NRCAM: variants seen among roughly 807,000 people sequenced by gnomAD.
NRCAM encodes the protein NgCAM-related cell adhesion molecule.
NRCAM carries 83 observed loss-of-function variants against 156.5 expected under a neutral mutation model. That is an observed-to-expected ratio of 0.53 (90% confidence interval 0.44 to 0.64). The LOEUF (loss-of-function observed/expected upper bound fraction) is 0.64. Among genes scored for constraint, NRCAM ranks in the 30% least tolerant of loss-of-function variants. NRCAM has a pLI of 0.00. For synonymous variants in NRCAM, 538 were observed against 563.9 expected, an observed-to-expected ratio of 0.95 and a Z score of 0.65; for missense variants, 1,417 against 1,597.3, an observed-to-expected ratio of 0.89 and a Z score of 1.92.
At chr7:108,455,475 C>T (rs1855939973) in intron 1 of NRCAM, among the ~76,000 whole-genome samples, 1 of 152,142 alleles carries the variant, frequency 6.6e-6, no homozygotes, top group Non-Finnish European at 1.5e-5. Context: ...GCCCGGTGCG[C>T]CGGCCCCGAC....
intron 2 of NRCAM, among the ~76,000 whole-genome samples, chr7:108,369,951 A>C (rs1382937337): frequency 1.3e-5 from 2 of 152,188 alleles, no homozygotes; most frequent in African/African-American, 2.4e-5. Flanking sequence ...TTTTAGGTTC[A>C]TGAAAACTAA....
At chr7:108,328,036 A>G (rs1463484037) in intron 2 of NRCAM, among the ~76,000 whole-genome samples, 1 of 152,250 alleles carries the variant, frequency 6.6e-6, no homozygotes, top group African/African-American at 2.4e-5. Context: ...CATTAAAATT[A>G]CATCTTAACA....
intron 30 of NRCAM, among the ~76,000 whole-genome samples, chr7:108,162,365 A>G (rs1220159769): frequency 1.3e-5 from 2 of 152,210 alleles, no homozygotes; most frequent in Non-Finnish European, 2.9e-5. Flanking sequence ...CTTTCAATTA[A>G]TGCCTGGTCT....
intron 20 of NRCAM, 31 bp from the exon 21 acceptor site, chr7:108,184,645 G>A (rs2065579498): frequency 1.9e-6 from 3 of 1,591,796 alleles, no homozygotes; most frequent in Admixed American, 3.4e-5. Flanking sequence ...CCAAACCCAA[G>A]ACCGTGAATT....
rs985989823 is a variant in NRCAM at position 108,147,711 on chromosome 7, C to T, written c.*2199G>A. ...GAAATCCAGTCACATTTGCCTGTAC[C>T]ATTACATACACCATTACTTGGACAT... is the stretch of plus-strand genomic sequence containing the variant. On this transcript the variant is annotated 3_prime_UTR_variant, in exon 33 of 33. Coordinates refer to ENST00000379028, the MANE Select transcript of NRCAM (RefSeq NM_001037132.4). The T allele has an allele frequency of 3.3e-5, 5 of 152,274 alleles. No individual in the cohort carries two copies. Among genetic ancestry groups the T allele is most frequent in the African/African-American group, 1.2e-4 (5 of 41,390 alleles). The allele number at this position is 152,274 out of a possible 1,614,324, so 9.4% of individuals were successfully genotyped here. A position where few individuals can be genotyped will look rare whatever the true frequency, so the allele number is the denominator to read the frequency against.
intron 2 of NRCAM, among the ~76,000 whole-genome samples, chr7:108,332,630 C>T (rs969779880): frequency 1.3e-5 from 2 of 152,160 alleles, no homozygotes; most frequent in Non-Finnish European, 2.9e-5. Flanking sequence ...TAGTCAAACA[C>T]TGGATGCCTT....
chr7:108,325,154 A>C (rs1250485705), intron 2 of NRCAM, among the ~76,000 whole-genome samples: 1 of 30,524 alleles, frequency 3.3e-5, no homozygotes, highest in Non-Finnish European at 9.4e-5. Flanking sequence ...GCTAACCTAG[A>C]AAAAAAATTC....
intron 1 of NRCAM, among the ~76,000 whole-genome samples, chr7:108,425,044 T>C (rs1815323427): frequency 1.3e-5 from 2 of 152,132 alleles, no homozygotes; most frequent in African/African-American, 2.4e-5. Flanking sequence ...CTTAGGACAT[T>C]AGAGTTCAGT....
chr7:108,180,369 T>C lies in NRCAM; in HGVS notation c.2705A>G (p.Lys902Arg), dbSNP rs139634064. Reference protein sequence around the residue: ...SKRNRRHIEKKILTFQGSKTH... With the variant: ...SKRNRRHIEKRILTFQGSKTH... ...CTTGCTGCCTTGGAAGGTGAGGATCTTTTTCTCAATGTGACGTCTGTTTCT... is the reference window on the plus strand; with the variant it reads ...CTTGCTGCCTTGGAAGGTGAGGATCCTTTTCTCAATGTGACGTCTGTTTCT... The change falls in exon 25 of 33, where the codon AAG becomes AGG. Residue 902 changes from lysine to arginine, a missense_variant. Lys to Arg is a conservative substitution (Grantham distance 26). Transcript: ENST00000379028. 6.2e-7 allele frequency: 1 copy of C among 1,614,190 alleles called. No homozygotes were observed. Among genetic ancestry groups the C allele is most frequent in the South Asian group, 1.1e-5 (1 of 91,082 alleles).
chr7:108,156,205 T>C (rs544831764), intron 32 of NRCAM: 1 of 689,406 alleles, frequency 1.5e-6, no homozygotes, highest in African/African-American at 1.9e-5. Flanking sequence ...CATTCAAGCC[T>C]TATGAGCATG....
At chr7:108,202,097 A>G (rs890617727) in intron 13 of NRCAM, among the ~76,000 whole-genome samples, 1 of 152,192 alleles carries the variant, frequency 6.6e-6, no homozygotes, top group Non-Finnish European at 1.5e-5. Context: ...ATAATCATTA[A>G]TTCTAGGAAT....
At chr7:108,171,032 A>G (rs1333483202) in intron 28 of NRCAM, among the ~76,000 whole-genome samples, 1 of 152,192 alleles carries the variant, frequency 6.6e-6, no homozygotes, top group Admixed American at 6.5e-5. Context: ...AAGATACCAC[A>G]ATTTCCTAAG....
chr7:108,159,648 C>T lies in NRCAM; in HGVS notation c.3599-107G>A, dbSNP rs190436754. ...TACAGCAGTGAAAAATAATTCCATA[C>T]ACAAGTAGATGTTGTATAACCATAT... On this transcript the variant is annotated intron_variant, in intron 31 of 32. Coordinates refer to ENST00000379028, the MANE Select transcript of NRCAM (RefSeq NM_001037132.4). 1,229 of 791,384 alleles carry T rather than the reference C, an allele frequency of 1.6e-3. 8 individuals are homozygous for T. The highest frequency in any genetic ancestry group is 0.014 in the African/African-American group (847 of 58,926). 49.0% of individuals were successfully genotyped at this position (791,384 alleles called of 1,614,324 possible). A position where few individuals can be genotyped will look rare whatever the true frequency, so the allele number is the denominator to read the frequency against.
chr7:108,300,191 C>G (rs950295874), intron 3 of NRCAM, among the ~76,000 whole-genome samples: 1 of 47,394 alleles, frequency 2.1e-5, no homozygotes, highest in Non-Finnish European at 4.1e-5. Flanking sequence ...TTTTTTTTTA[C>G]AAAAGAGCAA....
chr7:108,149,815 T>C lies in NRCAM; in HGVS notation c.*95A>G. On this transcript the variant is annotated 3_prime_UTR_variant, in exon 33 of 33. Coordinates refer to ENST00000379028, the MANE Select transcript of NRCAM (RefSeq NM_001037132.4). ...TACTAACATACAGCAGAAAATATAC[T>C]CTCTACCCATATGTTCATAGTATGA... 2.1e-6 allele frequency: 2 copies of C among 950,346 alleles called. No individual in the cohort carries two copies. Among genetic ancestry groups the C allele is most frequent in the Non-Finnish European group, 3.2e-6 (2 of 617,974 alleles). The allele number at this position is 950,346 out of a possible 1,614,324, so 58.9% of individuals were successfully genotyped here.
At chr7:108,376,222 A>G (rs2154350430) in intron 2 of NRCAM, among the ~76,000 whole-genome samples, 1 of 152,280 alleles carries the variant, frequency 6.6e-6, no homozygotes, top group South Asian at 2.1e-4. Flanking sequence ...CCTGCCTGGA[A>G]TTTAAATCCT....
At position 108,232,424 on chromosome 7, in the gene NRCAM, C is replaced by G; in HGVS notation, c.329G>C (p.Ser110Thr). 6.2e-7 allele frequency: 1 copy of G among 1,613,792 alleles called. No homozygotes were observed. Residue 110 changes from serine (S) to threonine (T), a missense_variant, in exon 7 of 33, where the codon AGC becomes ACC. Transcript: ENST00000379028. ...GTGTLIINIM[S>T]EGKAETYEGV... The stretch of plus-strand genomic sequence containing the variant: ...TTCATAGGTCTCAGCTTTCCCTTCG[C>G]TCATGATGTTAATTATGAGCGTTCC...
intron 2 of NRCAM, among the ~76,000 whole-genome samples, chr7:108,397,500 T>C (rs2099780234): frequency 6.6e-6 from 1 of 152,144 alleles, no homozygotes; most frequent in Non-Finnish European, 1.5e-5. Context: ...TCTCAAACAG[T>C]GCAGGCTCTG....
intron 2 of NRCAM, among the ~76,000 whole-genome samples, chr7:108,329,137 C>T (rs1424172273): frequency 6.6e-6 from 1 of 152,164 alleles, no homozygotes; most frequent in African/African-American, 2.4e-5. Flanking sequence ...TCATTCCTCT[C>T]TTGGGCTTCT....
Sources: gnomAD v4.1 joint callset for allele counts (sites outside exome capture counted in the v4.1 genomes callset) on GRCh38, gnomAD v4.1.1 for gene constraint, MANE v1.5 for transcripts, NCBI Gene and HGNC (gene_info 2026-07-23, HGNC 2026-07-21) for gene names.